CCDC171: variants seen among roughly 807,000 people sequenced by gnomAD.
The protein encoded by CCDC171 is coiled-coil domain containing 171.
CCDC171 carries 177 observed loss-of-function variants against 168.2 expected under a neutral mutation model. The ratio of observed to expected loss-of-function variants is 1.05; its 90% CI spans 0.93 to 1.19. The LOEUF is 1.19. Among genes scored for constraint, CCDC171 ranks in the 50% most tolerant of loss-of-function variants. The probability of loss-of-function intolerance (pLI) is 0.00; values close to 1 mark genes in which losing one functional copy is unlikely to be tolerated. For missense variants in CCDC171, 1,991 were observed against 1,539.0 expected, an observed-to-expected ratio of 1.29 and a Z score of -4.91; for synonymous variants, 687 against 540.8, an observed-to-expected ratio of 1.27 and a Z score of -3.75.
chr9:15,888,384 T>G (rs559693774), intron 24 of CCDC171, among the ~76,000 whole-genome samples: 25 of 152,320 alleles, frequency 1.6e-4, no homozygotes, highest in African/African-American at 6.0e-4. Context: ...GTTAAGTATA[T>G]AGCCATTCCA....
chr9:15,967,455 T>C (rs1830913148), intron 25 of CCDC171, among the ~76,000 whole-genome samples: 2 of 152,212 alleles, frequency 1.3e-5, no homozygotes, highest in South Asian at 2.1e-4. Flanking sequence ...CAACGTGCAA[T>C]GTGCAATATG....
intron 25 of CCDC171, among the ~76,000 whole-genome samples, chr9:15,951,654 GGTTT>G (rs1302963188): frequency 6.6e-6 from 1 of 151,802 alleles, no homozygotes; most frequent in Admixed American, 6.6e-5. Flanking sequence ...TGTGCTTATT[GGTTT>G]GTTTGTTTTT....
intron 8 of CCDC171, among the ~76,000 whole-genome samples, chr9:15,663,552 A>G (rs2048480546): frequency 6.6e-6 from 1 of 151,962 alleles, no homozygotes; most frequent in South Asian, 2.1e-4. Context: ...TATGTTAGCA[A>G]TACATTGTTC....
intron 1 of CCDC171, among the ~76,000 whole-genome samples, chr9:15,556,984 T>C (rs1338386234): frequency 6.6e-6 from 1 of 152,200 alleles, no homozygotes; most frequent in Non-Finnish European, 1.5e-5. Context: ...CCAACACCAT[T>C]TATTAAATAG....
chr9:15,789,278 C>G (rs529725399), intron 21 of CCDC171, among the ~76,000 whole-genome samples: 1 of 152,056 alleles, frequency 6.6e-6, no homozygotes, highest in East Asian at 1.9e-4. Context: ...TACAAACTTT[C>G]CAAAATGCAA....
At chr9:15,786,173 T>C (rs929998782) in intron 21 of CCDC171, among the ~76,000 whole-genome samples, 1 of 152,132 alleles carries the variant, frequency 6.6e-6, no homozygotes, top group African/African-American at 2.4e-5. Context: ...ATGCCAGGAA[T>C]TTCAAATGGC....
chr9:15,981,096 C>G (rs1195478111), intron 3 of CCDC171, among the ~76,000 whole-genome samples: 1 of 152,046 alleles, frequency 6.6e-6, no homozygotes, highest in African/African-American at 2.4e-5. Context: ...GAAAGACGTG[C>G]CCCCATGATT....
chr9:15,833,956 TTCTC>T (rs2060338168), intron 21 of CCDC171, among the ~76,000 whole-genome samples: 1 of 152,150 alleles, frequency 6.6e-6, no homozygotes, highest in South Asian at 2.1e-4. Flanking sequence ...TAGTAAGACT[TTCTC>T]TCTTAGAAAA....
chr9:15,817,624 C>A (rs568009991), intron 21 of CCDC171, among the ~76,000 whole-genome samples: 1 of 118,084 alleles, frequency 8.5e-6, no homozygotes, highest in African/African-American at 3.2e-5. Flanking sequence ...GATCAAACTG[C>A]GAGGTGGCAG....
At chr9:15,692,123 C>T (rs113110381) in intron 10 of CCDC171, among the ~76,000 whole-genome samples, 3 of 152,204 alleles carry the variant, frequency 2.0e-5, no homozygotes, top group South Asian at 4.1e-4. Context: ...CGCCTGTAAT[C>T]TCAACGCTTT....
At chr9:15,558,300 T>G (rs554272841) in intron 1 of CCDC171, among the ~76,000 whole-genome samples, 89 of 152,334 alleles carry the variant, frequency 5.8e-4, no homozygotes, top group African/African-American at 2.0e-3. Flanking sequence ...TGGAATAGTT[T>G]CAGAAGGAAT....
chr9:16,035,861 T>TA (rs1833457204), intron 7 of CCDC171, among the ~76,000 whole-genome samples: 1 of 152,206 alleles, frequency 6.6e-6, no homozygotes, highest in South Asian at 2.1e-4. Context: ...GAGTTGAAAA[T>TA]AAATTCTACC....
chr9:15,564,614 G>A (rs1182629451), intron 2 of CCDC171, among the ~76,000 whole-genome samples: 1 of 152,142 alleles, frequency 6.6e-6, no homozygotes, highest in Non-Finnish European at 1.5e-5. Flanking sequence ...CCTAATTGCT[G>A]TTGCTCATCT....
intron 8 of CCDC171, among the ~76,000 whole-genome samples, chr9:16,037,096 A>G (rs922853970): frequency 6.6e-6 from 1 of 152,246 alleles, no homozygotes; most frequent in Non-Finnish European, 1.5e-5. Flanking sequence ...TAGGATAACC[A>G]TAGTTAATAA....
chr9:15,718,671 A>C (rs200332315), intron 11 of CCDC171, among the ~76,000 whole-genome samples: 1 of 152,244 alleles, frequency 6.6e-6, no homozygotes, highest in Non-Finnish European at 1.5e-5. Flanking sequence ...AAGAGTCTCT[A>C]TGTAGTAATC....
chr9:15,827,478 A>AT (rs1360294672), intron 21 of CCDC171, among the ~76,000 whole-genome samples: 2 of 152,194 alleles, frequency 1.3e-5, no homozygotes, highest in Middle Eastern at 3.2e-3. Context: ...GCTTTCTAAA[A>AT]TGGAAGTTTG....
intron 7 of CCDC171, among the ~76,000 whole-genome samples, chr9:15,633,012 A>C (rs747985828): frequency 2.6e-5 from 4 of 152,226 alleles, no homozygotes; most frequent in Non-Finnish European, 5.9e-5. Context: ...CCATTACACA[A>C]AAATTAATTC....
At chr9:15,826,617 A>G (rs763503557) in intron 21 of CCDC171, among the ~76,000 whole-genome samples, 4 of 152,262 alleles carry the variant, frequency 2.6e-5, no homozygotes, top group Non-Finnish European at 5.9e-5. Context: ...TGAACTAGGG[A>G]TAATATGCTC....
rs114727370 is a variant in CCDC171 at position 15,879,780 on chromosome 9, C to A, written c.3600+5117C>A. On this transcript the variant is annotated intron_variant, in intron 24 of 25. Coordinates refer to ENST00000380701, the MANE Select transcript of CCDC171 (RefSeq NM_173550.4). ...GTTATTATGAATAAGGTGGTAATTA[C>A]TATCCTCTTGCATACATTTTTTCAT... Among the ~76,000 whole-genome samples the A allele has an allele frequency of 7.5e-3, 1,138 of 152,182 alleles. 12 individuals carry two copies. Among genetic ancestry groups the A allele is most frequent in the African/African-American group, 0.026 (1,076 of 41,536 alleles).
Sources: gnomAD v4.1 joint callset for allele counts (sites outside exome capture counted in the v4.1 genomes callset) on GRCh38, gnomAD v4.1.1 for gene constraint, MANE v1.5 for transcripts, NCBI Gene and HGNC (gene_info 2026-07-23, HGNC 2026-07-21) for gene names.